LDLRAD4: variants seen among roughly 807,000 people sequenced by gnomAD.
LDLRAD4 encodes low density lipoprotein receptor class A domain containing 4.
A neutral mutation model predicts 17.0 loss-of-function variants in LDLRAD4; 5 were observed. The observed-to-expected ratio is 0.29, with a 90% CI of 0.15 to 0.62. The LOEUF (loss-of-function observed/expected upper bound fraction) is 0.62, where lower values mean the gene tolerates loss of function less well. Ranked by LOEUF, LDLRAD4 falls within the 20% of genes least tolerant of loss-of-function variation. LDLRAD4 has a pLI of 0.84. For synonymous variants in LDLRAD4, 168 were observed against 171.8 expected (o/e 0.98, Z 0.17); for missense variants, 340 against 424.7 (o/e 0.80, Z 1.75).
At chr18:13,400,155 A>G (rs66771920) in intron 2 of LDLRAD4, among the ~76,000 whole-genome samples, 24,241 of 152,170 alleles carry the variant, frequency 0.16, 2,074 homozygotes, top group East Asian at 0.25. Context: ...ACTGGAAAAT[A>G]TTTCGTGGAA....
chr18:13,260,024 CTCTCG>C (rs2043726708), intron 1 of LDLRAD4, among the ~76,000 whole-genome samples: 1 of 152,236 alleles, frequency 6.6e-6, no homozygotes, highest in African/African-American at 2.4e-5. Flanking sequence ...GTAACAGGAC[CTCTCG>C]GATTTCTTGG....
chr18:13,373,326 A>G (rs981249270), intron 1 of LDLRAD4, among the ~76,000 whole-genome samples: 13 of 152,172 alleles, frequency 8.5e-5, no homozygotes, highest in Non-Finnish European at 1.6e-4. Flanking sequence ...TGTGTATGAC[A>G]TTATACACAT....
chr18:13,262,425 TGGCCCTGTGC>T (rs74218058), intron 1 of LDLRAD4, among the ~76,000 whole-genome samples: 3 of 33,820 alleles, frequency 8.9e-5, no homozygotes, highest in Admixed American at 3.8e-4. Context: ...GAGTCCCGTG[TGGCCCTGTGC>T]GTGGAAACTG....
intron 1 of LDLRAD4, chr18:13,362,376 A>G (rs1312047671): frequency 6.6e-6 from 1 of 152,210 alleles, no homozygotes; most frequent in Non-Finnish European, 1.5e-5. Flanking sequence ...TAGACCTTGT[A>G]AATGGAGTTT....
chr18:13,277,686 G>T (rs956885128), upstream of LDLRAD4, among the ~76,000 whole-genome samples: 3 of 152,228 alleles, frequency 2.0e-5, no homozygotes, highest in East Asian at 1.9e-4. Flanking sequence ...GGCCCATGTT[G>T]TCTTGAGACT....
chr18:13,377,634 C>A (rs2085021755), intron 1 of LDLRAD4, among the ~76,000 whole-genome samples: 1 of 152,216 alleles, frequency 6.6e-6, no homozygotes, highest in East Asian at 1.9e-4. Flanking sequence ...GAAACCGCTT[C>A]CTCTCTCCAG....
chr18:13,373,659 C>T lies in LDLRAD4; in HGVS notation c.-382-13682C>T, dbSNP rs549955029. 2.0e-5 allele frequency among the ~76,000 whole-genome samples: 3 copies of T among 152,230 alleles called. No individual in the cohort carries two copies. The East Asian group carries it at 5.8e-4, about 29-fold the overall frequency. On this transcript the variant is annotated intron_variant, in intron 1 of 5. Transcript: ENST00000359446. ...TTTAGTAAAACAAACTGAAATAGCT[C>T]CCCTTTTATATTTAAGCAAAATGGA...
At chr18:13,635,599 G>T (rs1216954278) in intron 4 of LDLRAD4, among the ~76,000 whole-genome samples, 8 of 152,302 alleles carry the variant, frequency 5.3e-5, no homozygotes, top group African/African-American at 1.9e-4. Context: ...AATTTGTGGG[G>T]AGTTTTCCTG....
chr18:13,425,017 T>C (rs1376727966), intron 2 of LDLRAD4, among the ~76,000 whole-genome samples: 1 of 152,236 alleles, frequency 6.6e-6, no homozygotes, highest in East Asian at 1.9e-4. Context: ...TAAACTTTCA[T>C]TCATTCAGCA....
exon 6 of LDLRAD4, chr18:13,647,271 A>C (rs1292948935): frequency 6.6e-6 from 1 of 152,166 alleles, no homozygotes; most frequent in East Asian, 1.9e-4. Flanking sequence ...ATATACAATG[A>C]AAAAAATAAC....
chr18:13,540,313 T>C (rs1179623367), intron 3 of LDLRAD4, among the ~76,000 whole-genome samples: 2 of 152,252 alleles, frequency 1.3e-5, no homozygotes, highest in East Asian at 1.9e-4. Flanking sequence ...TAAATGGCCA[T>C]TGAATAAACA....
chr18:13,424,980 C>G (rs1307666989), intron 2 of LDLRAD4, among the ~76,000 whole-genome samples: 1 of 152,150 alleles, frequency 6.6e-6, no homozygotes, highest in Non-Finnish European at 1.5e-5. Flanking sequence ...CATTTATCAT[C>G]CAGAGATAAC....
At chr18:13,340,376 A>G (rs1049560021) in intron 1 of LDLRAD4, among the ~76,000 whole-genome samples, 11 of 152,136 alleles carry the variant, frequency 7.2e-5, no homozygotes, top group South Asian at 2.1e-4. Context: ...ACCATTTTAC[A>G]TTCCTACTAG....
intron 1 of LDLRAD4, chr18:13,240,919 T>C (rs2042610491): frequency 6.6e-6 from 1 of 152,118 alleles, no homozygotes; most frequent in South Asian, 2.1e-4. Context: ...GGCTTTTTTT[T>C]TCTTTTCTTT....
At chr18:13,415,868 C>T (rs62085684) in intron 2 of LDLRAD4, among the ~76,000 whole-genome samples, 249 of 152,376 alleles carry the variant, frequency 1.6e-3, no homozygotes, top group Non-Finnish European at 2.7e-3. Context: ...TTGTACCCCA[C>T]GTGGCTCCTT....
chr18:13,602,205 G>T (rs1356561409), intron 3 of LDLRAD4, among the ~76,000 whole-genome samples: 1 of 152,092 alleles, frequency 6.6e-6, no homozygotes, highest in Non-Finnish European at 1.5e-5. Context: ...CTTCCTATCG[G>T]GTATTATGCT....
At chr18:13,544,655 G>T (rs1420142417) in intron 3 of LDLRAD4, among the ~76,000 whole-genome samples, 1 of 152,192 alleles carries the variant, frequency 6.6e-6, no homozygotes, top group Non-Finnish European at 1.5e-5. Flanking sequence ...AAGTAGGCTA[G>T]AATGGAGGAC....
chr18:13,498,953 T>A (rs1369546077), intron 3 of LDLRAD4, among the ~76,000 whole-genome samples: 2 of 86,406 alleles, frequency 2.3e-5, no homozygotes, highest in Non-Finnish European at 2.3e-5. Context: ...CTTCTCGCCA[T>A]ACATGTCCTG....
At chr18:13,595,657 G>GTT (rs990156540) in intron 3 of LDLRAD4, among the ~76,000 whole-genome samples, 1 of 151,790 alleles carries the variant, frequency 6.6e-6, no homozygotes, top group Non-Finnish European at 1.5e-5. Flanking sequence ...CCGAATCCAT[G>GTT]TTTTTTTTAA....
Sources: allele counts gnomAD v4.1 joint callset (sites outside exome capture counted in the v4.1 genomes callset), GRCh38; gene constraint gnomAD v4.1.1; transcripts MANE v1.5; gene names NCBI Gene and HGNC (gene_info 2026-07-23, HGNC 2026-07-21).